The following RBM19 variants were observed in gnomAD, a reference collection of about 807,000 sequenced individuals.
The protein encoded by RBM19 is probable RNA-binding protein 19.
Under a neutral mutation model 116.8 loss-of-function variants are expected in RBM19, and 94 were observed. That is an observed-to-expected ratio of 0.80 (90% CI 0.68 to 0.95). The LOEUF (loss-of-function observed/expected upper bound fraction) is 0.95, where lower values mean the gene tolerates loss of function less well. Among genes scored for constraint, RBM19 ranks in the 40% least tolerant of loss-of-function variants. The pLI, the probability that RBM19 is intolerant of heterozygous loss-of-function variation, is 0.00. For missense variants in RBM19, 1,161 were observed against 1,220.7 expected (o/e 0.95, Z 0.73); for synonymous variants, 475 against 494.1 (o/e 0.96, Z 0.51).
chr12:113,928,064 C>T (rs1198308720), intron 16 of RBM19, among the ~76,000 whole-genome samples: 6 of 152,112 alleles, frequency 3.9e-5, no homozygotes, highest in Non-Finnish European at 7.4e-5. Context: ...AAGCTAGGTG[C>T]GGTGGCTCAT....
At chr12:113,897,570 G>A (rs1221723392) in intron 21 of RBM19, among the ~76,000 whole-genome samples, 2 of 152,204 alleles carry the variant, frequency 1.3e-5, no homozygotes, top group East Asian at 1.9e-4. Flanking sequence ...CCGGCTACTC[G>A]GGAGGCTGAG....
At chr12:113,920,742 C>T in intron 18 of RBM19, 52 bp from the exon 19 acceptor site, 9 of 1,540,352 alleles carry the variant, frequency 5.8e-6, no homozygotes, top group Non-Finnish European at 6.3e-6. Context: ...AAGCACAAGG[C>T]CAAGTGCAAG....
intron 20 of RBM19, among the ~76,000 whole-genome samples, chr12:113,917,701 G>A (rs1443889585): frequency 6.6e-6 from 1 of 152,228 alleles, no homozygotes; most frequent in African/African-American, 2.4e-5. Flanking sequence ...GCTGTTAGAG[G>A]CATTCATTTT....
chr12:113,957,690 A>G (rs1872070327), intron 6 of RBM19, 92 bp downstream of exon 6: 9 of 1,470,032 alleles, frequency 6.1e-6, no homozygotes, highest in Non-Finnish European at 3.6e-6. Flanking sequence ...TCTTTCCCCA[A>G]CATTCCGCTC....
At chr12:113,866,958 T>G (rs904931954) in intron 21 of RBM19, among the ~76,000 whole-genome samples, 2 of 152,258 alleles carry the variant, frequency 1.3e-5, no homozygotes, top group Non-Finnish European at 2.9e-5. Context: ...TACCACGTCC[T>G]ACATTTGGGC....
chr12:113,846,644 G>A (rs373901102), intron 22 of RBM19, among the ~76,000 whole-genome samples: 9 of 152,274 alleles, frequency 5.9e-5, no homozygotes, highest in East Asian at 1.9e-4. Flanking sequence ...GATTTCCCTC[G>A]GAAGGAACCA....
chr12:113,923,049 G>A (rs898565289), intron 18 of RBM19, among the ~76,000 whole-genome samples: 18 of 152,198 alleles, frequency 1.2e-4, no homozygotes, highest in African/African-American at 4.1e-4. Flanking sequence ...CACAAGAATC[G>A]TTTGAACCCA....
intron 1 of RBM19, among the ~76,000 whole-genome samples, chr12:113,963,076 A>T (rs528624613): frequency 2.6e-5 from 4 of 152,304 alleles, no homozygotes; most frequent in African/African-American, 9.6e-5. Flanking sequence ...GTGCTTCTAG[A>T]AGCTGAAAAA....
At chr12:113,848,366 C>T (rs1877165720) in intron 22 of RBM19, among the ~76,000 whole-genome samples, 1 of 152,192 alleles carries the variant, frequency 6.6e-6, no homozygotes, top group African/African-American at 2.4e-5. Flanking sequence ...AATATGAAAT[C>T]AGGTTGCATT....
chr12:113,850,723 G>A (rs1026027997), intron 22 of RBM19, among the ~76,000 whole-genome samples: 2 of 152,252 alleles, frequency 1.3e-5, no homozygotes, highest in Admixed American at 1.3e-4. Flanking sequence ...CAGAGCTGAG[G>A]ACAGTATTCC....
intron 22 of RBM19, among the ~76,000 whole-genome samples, chr12:113,858,436 C>T (rs766139398): frequency 3.3e-5 from 5 of 152,152 alleles, no homozygotes; most frequent in South Asian, 2.1e-4. Context: ...CACTGTTCTG[C>T]GTGGCATTTC....
intron 23 of RBM19, among the ~76,000 whole-genome samples, chr12:113,843,600 G>A (rs1876692018): frequency 1.3e-5 from 2 of 152,216 alleles, no homozygotes; most frequent in Admixed American, 1.3e-4. Context: ...CCCTTTTGCT[G>A]CCGGGCCCAG....
At chr12:113,861,519 A>T in intron 21 of RBM19, among the ~76,000 whole-genome samples, 2 of 84,586 alleles carry the variant, frequency 2.4e-5, no homozygotes, top group Admixed American at 1.1e-4. Context: ...TGTGTGAAGG[A>T]GAGAAGGGGT....
intron 23 of RBM19, among the ~76,000 whole-genome samples, chr12:113,837,765 C>A (rs1355039105): frequency 6.6e-6 from 1 of 152,240 alleles, no homozygotes; most frequent in Admixed American, 6.5e-5. Context: ...AAGTTACTTG[C>A]CCTCTCTGTG....
chr12:113,923,527 C>T (rs944212669), intron 18 of RBM19, among the ~76,000 whole-genome samples: 1 of 152,204 alleles, frequency 6.6e-6, no homozygotes, highest in Admixed American at 6.5e-5. Context: ...CCCAGTACTT[C>T]TGGGGAAAAG....
At chr12:113,910,915 C>T (rs1044449020) in intron 21 of RBM19, among the ~76,000 whole-genome samples, 2 of 152,240 alleles carry the variant, frequency 1.3e-5, no homozygotes, top group South Asian at 2.1e-4. Flanking sequence ...TGTATACACT[C>T]AGGCCCGATC....
chr12:113,962,990 G>A (rs1241620792), intron 1 of RBM19, among the ~76,000 whole-genome samples: 1 of 152,142 alleles, frequency 6.6e-6, no homozygotes, highest in African/African-American at 2.4e-5. Context: ...CAGAGAAGAT[G>A]GAAACAGAAA....
intron 23 of RBM19, among the ~76,000 whole-genome samples, chr12:113,836,992 CAT>C (rs1252165149): frequency 1.4e-5 from 1 of 73,926 alleles, no homozygotes; most frequent in African/African-American, 6.8e-5. Context: ...CTACTTACTA[CAT>C]ACACACACAC....
intron 21 of RBM19, among the ~76,000 whole-genome samples, chr12:113,866,652 G>A (rs1212022268): frequency 6.6e-6 from 1 of 152,178 alleles, no homozygotes; most frequent in Non-Finnish European, 1.5e-5. Flanking sequence ...AAAATGCAAT[G>A]TTCTGCCCTC....
Sources: allele counts gnomAD v4.1 joint callset (sites outside exome capture counted in the v4.1 genomes callset), GRCh38; gene constraint gnomAD v4.1.1; transcripts MANE v1.5; gene names NCBI Gene and HGNC (gene_info 2026-07-23, HGNC 2026-07-21).